POU6F2: variants seen among roughly 807,000 people sequenced by gnomAD.
POU6F2 encodes POU domain, class 6, transcription factor 2.
POU6F2 carries 31 observed loss-of-function variants against 71.3 expected under a neutral mutation model. The observed-to-expected ratio is 0.43, with a 90% CI of 0.33 to 0.59. POU6F2 has a LOEUF of 0.59. Among genes scored for constraint, POU6F2 ranks in the 20% least tolerant of loss-of-function variants. The pLI is 0.04. For synonymous variants in POU6F2, 347 were observed against 355.7 expected (o/e 0.98, Z 0.27); for missense variants, 783 against 856.8 (o/e 0.91, Z 1.07).
chr7:39,056,752 A>G (rs1454616970), intron 1 of POU6F2, among the ~76,000 whole-genome samples: 2 of 150,872 alleles, frequency 1.3e-5, no homozygotes, highest in African/African-American at 2.4e-5. Context: ...TGCCAGTAGG[A>G]CATTTTTTAA....
At chr7:39,251,310 T>G (rs1317137879) in intron 4 of POU6F2, among the ~76,000 whole-genome samples, 1 of 152,206 alleles carries the variant, frequency 6.6e-6, no homozygotes, top group East Asian at 1.9e-4. Context: ...TTCCAGTTGA[T>G]GGCATCACAG....
intron 6 of POU6F2, among the ~76,000 whole-genome samples, chr7:39,429,576 G>A (rs1788049652): frequency 6.6e-6 from 1 of 152,174 alleles, no homozygotes; most frequent in Non-Finnish European, 1.5e-5. Context: ...AGTGTTTACA[G>A]AGAGAAGCAG....
intron 7 of POU6F2, among the ~76,000 whole-genome samples, 171 bp from the exon 8 acceptor site, chr7:39,451,362 T>G (rs939875643): frequency 8.6e-6 from 1 of 116,056 alleles, no homozygotes; most frequent in African/African-American, 3.7e-5. Context: ...ATATGTGCTC[T>G]ACAAAAAAAA....
At chr7:39,205,151 G>A (rs1451711261) in intron 3 of POU6F2, among the ~76,000 whole-genome samples, 1 of 151,918 alleles carries the variant, frequency 6.6e-6, no homozygotes, top group East Asian at 1.9e-4. Flanking sequence ...AGTCCATCTC[G>A]GAGGACAGAT....
chr7:39,451,743 C>G, intron 8 of POU6F2, 42 bp downstream of exon 8: 1 of 1,513,930 alleles, frequency 6.6e-7, no homozygotes, highest in Middle Eastern at 1.7e-4. Context: ...TGGTGGCCTT[C>G]TTGTTGCCTA....
intron 4 of POU6F2, among the ~76,000 whole-genome samples, chr7:39,295,616 C>G (rs1302764541): frequency 6.6e-6 from 1 of 151,736 alleles, no homozygotes; most frequent in Non-Finnish European, 1.5e-5. Context: ...ACTCCGTCTC[C>G]AAAAAAGAAG....
chr7:39,434,639 T>A (rs1184065000), intron 7 of POU6F2, among the ~76,000 whole-genome samples: 2 of 151,098 alleles, frequency 1.3e-5, no homozygotes, highest in Non-Finnish European at 2.9e-5. Context: ...GGGTTTTTTT[T>A]AAACTTCTTC....
intron 4 of POU6F2, among the ~76,000 whole-genome samples, chr7:39,333,932 C>T (rs1785711660): frequency 6.6e-6 from 1 of 152,006 alleles, no homozygotes; most frequent in African/African-American, 2.4e-5. Context: ...TTGCCCTACT[C>T]CCTGGAATCT....
intron 1 of POU6F2, among the ~76,000 whole-genome samples, chr7:39,023,496 G>A (rs1789726196): frequency 6.6e-6 from 1 of 152,016 alleles, no homozygotes; most frequent in Non-Finnish European, 1.5e-5. Context: ...CTAGCAGGTA[G>A]AGGCCAAGAA....
At chr7:39,067,789 T>C (rs764638651) in intron 1 of POU6F2, among the ~76,000 whole-genome samples, 2 of 152,124 alleles carry the variant, frequency 1.3e-5, no homozygotes, top group Non-Finnish European at 1.5e-5. Flanking sequence ...GAGTAATTTA[T>C]AAAAGAAGAA....
chr7:39,308,228 T>C (rs1397824240), intron 4 of POU6F2, among the ~76,000 whole-genome samples: 2 of 152,176 alleles, frequency 1.3e-5, no homozygotes, highest in Admixed American at 6.5e-5. Context: ...TATCCCCAAC[T>C]CAAGTTCCTC....
At chr7:39,425,968 C>T (rs1787960834) in intron 6 of POU6F2, among the ~76,000 whole-genome samples, 1 of 152,192 alleles carries the variant, frequency 6.6e-6, no homozygotes. Context: ...CTTGTATAGC[C>T]ACTTTAAATT....
intron 1 of POU6F2, among the ~76,000 whole-genome samples, chr7:38,983,979 TCTTCAAAAGACAGACATTAG>T: frequency 6.6e-6 from 1 of 152,262 alleles, no homozygotes; most frequent in African/African-American, 2.4e-5. Context: ...AAAGATTCTT[TCTTCAAAAGACAGACATTAG>T]CTGTTGATAC....
At chr7:39,104,223 A>G (rs1369394793) in intron 2 of POU6F2, among the ~76,000 whole-genome samples, 2 of 152,224 alleles carry the variant, frequency 1.3e-5, no homozygotes, top group Non-Finnish European at 2.9e-5. Context: ...GGTTGCTCCC[A>G]TTATTTATTG....
chr7:39,252,312 C>A (rs1264171156), intron 4 of POU6F2, among the ~76,000 whole-genome samples: 1 of 151,614 alleles, frequency 6.6e-6, no homozygotes, highest in Non-Finnish European at 1.5e-5. Context: ...GATAATCCTA[C>A]AAACCAGTTA....
chr7:39,002,507 C>A (rs780419821), intron 1 of POU6F2, among the ~76,000 whole-genome samples: 2 of 152,220 alleles, frequency 1.3e-5, no homozygotes, highest in African/African-American at 2.4e-5. Context: ...GCCGCTATGC[C>A]TGGCTAATTT....
chr7:39,230,136 A>G (rs1794548231), intron 4 of POU6F2, among the ~76,000 whole-genome samples: 1 of 152,188 alleles, frequency 6.6e-6, no homozygotes, highest in Non-Finnish European at 1.5e-5. Flanking sequence ...AATCAGGTTT[A>G]CCTGCTACTG....
intron 4 of POU6F2, among the ~76,000 whole-genome samples, chr7:39,232,249 T>G (rs1363511542): frequency 6.6e-6 from 1 of 152,190 alleles, no homozygotes; most frequent in Non-Finnish European, 1.5e-5. Flanking sequence ...TGATATTAAC[T>G]AGATGTTTGT....
At chr7:39,384,121 G>A (rs926058211) in intron 5 of POU6F2, among the ~76,000 whole-genome samples, 1 of 152,218 alleles carries the variant, frequency 6.6e-6, no homozygotes, top group African/African-American at 2.4e-5. Flanking sequence ...CCAGTTAGAG[G>A]TCAAGGAGGG....
Sources: gnomAD v4.1 joint callset for allele counts (sites outside exome capture counted in the v4.1 genomes callset) on GRCh38, gnomAD v4.1.1 for gene constraint, MANE v1.5 for transcripts, NCBI Gene and HGNC (gene_info 2026-07-23, HGNC 2026-07-21) for gene names.